The following RIMBP2 variants were observed in gnomAD, a reference collection of about 807,000 sequenced individuals.
The protein encoded by RIMBP2 is RIMS-binding protein 2.
Under a neutral mutation model 118.6 loss-of-function variants are expected in RIMBP2, and 48 were observed. The observed-to-expected ratio is 0.40, with a 90% confidence interval of 0.32 to 0.51. The LOEUF (loss-of-function observed/expected upper bound fraction) is 0.51, where lower values mean the gene tolerates loss of function less well. Among genes scored for constraint, RIMBP2 ranks in the 20% least tolerant of loss-of-function variants. The pLI, the probability that RIMBP2 is intolerant of heterozygous loss-of-function variation, is 0.41. For missense variants in RIMBP2, 1,551 were observed against 1,768.3 expected (o/e 0.88, Z 2.20); for synonymous variants, 762 against 742.9 (o/e 1.03, Z -0.42).
At chr12:130,416,944 A>T (rs2136571441) in intron 17 of RIMBP2, among the ~76,000 whole-genome samples, 1 of 152,036 alleles carries the variant, frequency 6.6e-6, no homozygotes, top group East Asian at 1.9e-4. Flanking sequence ...AGATAATAAA[A>T]TATAAATAAA....
intron 5 of RIMBP2, among the ~76,000 whole-genome samples, chr12:130,474,112 G>A (rs1246022924): frequency 6.6e-6 from 1 of 152,210 alleles, no homozygotes; most frequent in Non-Finnish European, 1.5e-5. Context: ...ACGGAGCGCA[G>A]CCGGACCCCA....
intron 4 of RIMBP2, among the ~76,000 whole-genome samples, chr12:130,494,728 G>C (rs1436637478): frequency 1.3e-5 from 2 of 152,058 alleles, no homozygotes; most frequent in African/African-American, 4.8e-5. Flanking sequence ...CTCCAGCCCT[G>C]TGTGCTGGTT....
chr12:130,697,972 G>T (rs1347747120), intron 1 of RIMBP2, among the ~76,000 whole-genome samples: 1 of 152,212 alleles, frequency 6.6e-6, no homozygotes, highest in Admixed American at 6.5e-5. Context: ...TATTTAGGGG[G>T]ACATTTGGGG....
At chr12:130,624,136 A>G (rs1340986836) in intron 2 of RIMBP2, among the ~76,000 whole-genome samples, 1 of 152,224 alleles carries the variant, frequency 6.6e-6, no homozygotes, top group Non-Finnish European at 1.5e-5. Flanking sequence ...GTGCCAATGT[A>G]CTCATAGGAA....
chr12:130,560,542 G>T (rs573473273), intron 2 of RIMBP2, among the ~76,000 whole-genome samples: 3 of 152,108 alleles, frequency 2.0e-5, no homozygotes, highest in African/African-American at 7.2e-5. Context: ...ACTCCCATCC[G>T]CTTTGAGATC....
At chr12:130,512,902 C>G (rs1172548824) in intron 3 of RIMBP2, among the ~76,000 whole-genome samples, 1 of 152,024 alleles carries the variant, frequency 6.6e-6, no homozygotes, top group Non-Finnish European at 1.5e-5. Context: ...GGGCTGGACA[C>G]TCACCTTTCA....
intron 2 of RIMBP2, among the ~76,000 whole-genome samples, chr12:130,570,449 C>T (rs2140042073): frequency 6.6e-6 from 1 of 152,154 alleles, no homozygotes; most frequent in Non-Finnish European, 1.5e-5. Flanking sequence ...AAACAAAAAC[C>T]CTGAAATTTT....
chr12:130,615,838 T>C (rs2060895388), intron 2 of RIMBP2, among the ~76,000 whole-genome samples: 1 of 152,168 alleles, frequency 6.6e-6, no homozygotes, highest in Non-Finnish European at 1.5e-5. Flanking sequence ...GGCATTTTCC[T>C]GTGGTGGTTG....
At chr12:130,634,911 A>T (rs2062253471) in intron 1 of RIMBP2, among the ~76,000 whole-genome samples, 1 of 152,102 alleles carries the variant, frequency 6.6e-6, no homozygotes, top group Non-Finnish European at 1.5e-5. Context: ...CTCCACCTGT[A>T]AACAAATCAT....
At chr12:130,428,149 G>A in intron 15 of RIMBP2, 30 bp downstream of exon 15, 1 of 1,559,880 alleles carries the variant, frequency 6.4e-7, no homozygotes, top group Non-Finnish European at 8.7e-7. Flanking sequence ...TGGGGACGGA[G>A]TGCAGGGTCC....
chr12:130,645,678 G>A (rs1419372163), intron 1 of RIMBP2, among the ~76,000 whole-genome samples: 1 of 152,202 alleles, frequency 6.6e-6, no homozygotes, highest in Non-Finnish European at 1.5e-5. Context: ...CAGAGAGAAG[G>A]ATGAGAAGAA....
intron 4 of RIMBP2, among the ~76,000 whole-genome samples, chr12:130,489,181 AAAT>A (rs1428368120): frequency 6.6e-6 from 1 of 152,204 alleles, no homozygotes; most frequent in Non-Finnish European, 1.5e-5. Flanking sequence ...CTTGTCTCTG[AAAT>A]AATGGAAACA....
intron 2 of RIMBP2, among the ~76,000 whole-genome samples, chr12:130,616,542 G>C (rs1221573576): frequency 6.6e-6 from 1 of 152,192 alleles, no homozygotes; most frequent in Non-Finnish European, 1.5e-5. Flanking sequence ...TAAGAGCTAA[G>C]GAAACTGAGG....
At chr12:130,608,038 A>G (rs10773802) in intron 2 of RIMBP2, among the ~76,000 whole-genome samples, 114,317 of 152,058 alleles carry the variant, frequency 0.75, 43,145 homozygotes, top group South Asian at 0.86. Context: ...TGCTCAAAAC[A>G]TTGATTTTTT....
rs1303455927 is a variant in RIMBP2 at position 130,710,726 on chromosome 12, A to C, written c.-352+5496T>G. On this transcript the variant is annotated intron_variant, in intron 1 of 22. Coordinates refer to ENST00000690449, the MANE Select transcript of RIMBP2 (RefSeq NM_001393629.1). The surrounding 1 kb of genome is among the most constrained non-coding windows in gnomAD (Gnocchi z 4.3). ...GGAGAGAGCCCCCCTCATCTCCCAC[A>C]CTGGGTCTCTCCAGCAAGTGCTTAT... is the stretch of plus-strand genomic sequence containing the variant. Among the ~76,000 whole-genome samples the C allele has an allele frequency of 6.6e-6, 1 of 152,114 alleles. No homozygotes were observed. The highest frequency in any genetic ancestry group is 2.4e-5 in the African/African-American group (1 of 41,414).
chr12:130,678,354 C>T (rs1350987012), intron 1 of RIMBP2, among the ~76,000 whole-genome samples: 1 of 152,250 alleles, frequency 6.6e-6, no homozygotes. Context: ...AAGCATCCGT[C>T]AGCGGATAGG....
intron 6 of RIMBP2, among the ~76,000 whole-genome samples, chr12:130,468,727 C>T (rs1012805262): frequency 1.3e-5 from 2 of 152,110 alleles, no homozygotes; most frequent in Non-Finnish European, 2.9e-5. Context: ...GACCAGTAAC[C>T]GAATTAACCG....
rs994235250 is a variant in RIMBP2, at chr12:130,617,166, G to A, written c.-217+11156C>T. The stretch of plus-strand genomic sequence containing the variant: ...TCTTCTGTGTTTCATTGTCACCAAC[G>A]ATCCCCCACCCCCGACCCCCGCCCC... On this transcript the variant is annotated intron_variant, in intron 2 of 22. Coordinates refer to ENST00000690449, the MANE Select transcript of RIMBP2 (RefSeq NM_001393629.1). This position sits in a 1 kb window ranked among gnomAD's most constrained non-coding sequence, Gnocchi z 4.6. Among the ~76,000 whole-genome samples, 2 of 151,954 alleles carry A rather than the reference G, an allele frequency of 1.3e-5. No individual in the cohort carries two copies. Among genetic ancestry groups the A allele is most frequent in the African/African-American group, 4.8e-5 (2 of 41,348 alleles).
intron 6 of RIMBP2, among the ~76,000 whole-genome samples, chr12:130,459,650 C>A (rs1440018100): frequency 1.3e-5 from 2 of 152,168 alleles, no homozygotes; most frequent in Non-Finnish European, 2.9e-5. Flanking sequence ...CTGATACACA[C>A]CTGCCAGCAG....
Sources: gnomAD v4.1 joint callset for allele counts (sites outside exome capture counted in the v4.1 genomes callset) on GRCh38, gnomAD v4.1.1 for gene constraint, Gnocchi (gnomAD v3.1) non-coding constraint, MANE v1.5 for transcripts, NCBI Gene and HGNC (gene_info 2026-07-23, HGNC 2026-07-21) for gene names.